MYO3B: variants seen among roughly 807,000 people sequenced by gnomAD.
MYO3B encodes myosin IIIB.
Under a neutral mutation model 174.6 loss-of-function variants are expected in MYO3B, and 156 were observed. The observed-to-expected ratio is 0.89, with a 90% CI of 0.78 to 1.02. MYO3B has a LOEUF of 1.02. Ranked by LOEUF, MYO3B falls within the 50% of genes least tolerant of loss-of-function variation. The pLI is 0.00. For synonymous variants in MYO3B, 563 were observed against 569.1 expected, an observed-to-expected ratio of 0.99 and a Z score of 0.15; for missense variants, 1,632 against 1,639.4, an observed-to-expected ratio of 1.00 and a Z score of 0.08.
At chr2:170,474,743 CAAAAAAAAAAAAAAAAAAAAAAAAAAA>C (rs55913448) in intron 25 of MYO3B, among the ~76,000 whole-genome samples, 6 of 37,580 alleles carry the variant, frequency 1.6e-4, no homozygotes, top group Admixed American at 4.4e-4. Flanking sequence ...AACTCCGTCT[CAAAAAAAAAAAAAAAAAAAAAAAAAAA>C]AAAAAAAAAA....
At chr2:170,466,766 A>G in intron 25 of MYO3B, 55 bp downstream of exon 25, 2 of 1,533,260 alleles carry the variant, frequency 1.3e-6, no homozygotes, top group South Asian at 2.4e-5. Flanking sequence ...TACTCTGGCC[A>G]TCCCTGTGTC....
At chr2:170,237,996 TA>T (rs1201447397) in intron 7 of MYO3B, among the ~76,000 whole-genome samples, 1 of 152,220 alleles carries the variant, frequency 6.6e-6, no homozygotes, top group Non-Finnish European at 1.5e-5. Context: ...ACAAGAATGA[TA>T]AGAGGTTTTA....
At chr2:170,490,980 C>CAAAAAATT (rs1686430557) in intron 25 of MYO3B, among the ~76,000 whole-genome samples, 1 of 151,952 alleles carries the variant, frequency 6.6e-6, no homozygotes, top group Non-Finnish European at 1.5e-5. Context: ...TGGATAGAGG[C>CAAAAAATT]TTACCAATTT....
chr2:170,213,503 AACT>A (rs1252474374), intron 3 of MYO3B, among the ~76,000 whole-genome samples: 4 of 152,182 alleles, frequency 2.6e-5, no homozygotes, highest in African/African-American at 2.4e-5. Flanking sequence ...GTCAATCTTT[AACT>A]ACCAGGCTTA....
At chr2:170,488,249 G>T (rs990779633) in intron 25 of MYO3B, among the ~76,000 whole-genome samples, 3 of 152,134 alleles carry the variant, frequency 2.0e-5, no homozygotes, top group Admixed American at 6.5e-5. Context: ...CCACTTCAAA[G>T]ATTATAAGTA....
intron 32 of MYO3B, among the ~76,000 whole-genome samples, chr2:170,557,135 T>A (rs79975528): frequency 0.019 from 1,323 of 68,756 alleles, 32 homozygotes; most frequent in African/African-American, 0.065. Context: ...CAGGGTTTTT[T>A]ATTTTTATTT....
chr2:170,547,451 A>C (rs1475655694), intron 32 of MYO3B, among the ~76,000 whole-genome samples: 2 of 152,220 alleles, frequency 1.3e-5, no homozygotes, highest in African/African-American at 4.8e-5. Flanking sequence ...TCACTAATCC[A>C]AGCAGTGAAA....
At chr2:170,281,324 A>G (rs751329993) in intron 7 of MYO3B, among the ~76,000 whole-genome samples, 2 of 152,142 alleles carry the variant, frequency 1.3e-5, no homozygotes, top group African/African-American at 2.4e-5. Flanking sequence ...TATTCTTCTC[A>G]TTGTCTAATG....
At chr2:170,235,871 G>C (rs1271576831) in intron 6 of MYO3B, 120 bp from the exon 7 acceptor site, 1 of 1,165,840 alleles carries the variant, frequency 8.6e-7, no homozygotes, top group Non-Finnish European at 1.3e-6. Context: ...CTTATTACTG[G>C]AATTCAATAT....
intron 28 of MYO3B, among the ~76,000 whole-genome samples, chr2:170,512,482 C>A (rs529390679): frequency 1.3e-5 from 2 of 152,312 alleles, no homozygotes; most frequent in African/African-American, 4.8e-5. Flanking sequence ...CTGCCAGATA[C>A]AGTGGGTGCC....
At chr2:170,534,652 C>A (rs1391272966) in intron 30 of MYO3B, among the ~76,000 whole-genome samples, 2 of 152,168 alleles carry the variant, frequency 1.3e-5, no homozygotes, top group Non-Finnish European at 2.9e-5. Context: ...GTTGCCCAGG[C>A]TGGTCTTGAA....
intron 8 of MYO3B, among the ~76,000 whole-genome samples, chr2:170,362,775 G>A (rs1406769976): frequency 1.3e-5 from 2 of 152,140 alleles, no homozygotes; most frequent in African/African-American, 2.4e-5. Flanking sequence ...TCAGACTTCA[G>A]GAAAACTGAA....
chr2:170,178,361 T>C (rs1574527999), intron 1 of MYO3B, 72 bp downstream of exon 1: 2 of 1,601,510 alleles, frequency 1.2e-6, no homozygotes, highest in East Asian at 4.5e-5. Flanking sequence ...AAAGGGCAGA[T>C]GCAGCTGCCC....
At chr2:170,626,760 C>T (rs1347211925) in intron 32 of MYO3B, among the ~76,000 whole-genome samples, 3 of 152,188 alleles carry the variant, frequency 2.0e-5, no homozygotes, top group Non-Finnish European at 2.9e-5. Flanking sequence ...CAGAATCTCT[C>T]AGCATTTGCT....
intron 29 of MYO3B, among the ~76,000 whole-genome samples, chr2:170,516,607 AACT>A (rs1688327404): frequency 6.6e-6 from 1 of 150,916 alleles, no homozygotes; most frequent in Non-Finnish European, 1.5e-5. Context: ...CGCGCCACTG[AACT>A]ACAGCCTGGG....
At chr2:170,548,381 A>G (rs1213932943) in intron 32 of MYO3B, among the ~76,000 whole-genome samples, 1 of 152,192 alleles carries the variant, frequency 6.6e-6, no homozygotes, top group African/African-American at 2.4e-5. Context: ...CTAGGAATCT[A>G]GATACAATGA....
At chr2:170,381,965 T>A in intron 9 of MYO3B, 51 bp from the exon 10 acceptor site, 1 of 1,483,144 alleles carries the variant, frequency 6.7e-7, no homozygotes, top group South Asian at 1.1e-5. Context: ...GCCCGCTTTC[T>A]GCTACATTAT....
In MYO3B at chr2:170,425,637, G is replaced by T. The variant is rs1482780776; in HGVS notation, c.2650+17793G>T. ...GGTAATCAATGGGAATCACTGTTCA[G>T]TTGACCTAGTTTGGTGTGTAAACAG... On this transcript the variant is annotated intron_variant, in intron 22 of 34. Transcript: ENST00000408978. Among the ~76,000 whole-genome samples, 5 of 152,286 alleles carry T rather than the reference G, an allele frequency of 3.3e-5. No homozygotes were observed. The East Asian group carries it at 9.6e-4, about 29-fold the overall frequency.
chr2:170,463,597 G>A (rs1262198443), intron 24 of MYO3B, 152 bp downstream of exon 24: 1 of 673,168 alleles, frequency 1.5e-6, no homozygotes, highest in Admixed American at 2.7e-5. Context: ...AAGGAAGGAA[G>A]AGAACATTGG....
Sources: allele counts gnomAD v4.1 joint callset (sites outside exome capture counted in the v4.1 genomes callset), GRCh38; gene constraint gnomAD v4.1.1; transcripts MANE v1.5; gene names NCBI Gene and HGNC (gene_info 2026-07-23, HGNC 2026-07-21).